RAPGEF4: variants seen among roughly 807,000 people sequenced by gnomAD.
RAPGEF4 encodes RAP guanine-nucleotide-exchange factor (GEF) 4.
A neutral mutation model predicts 147.9 loss-of-function variants in RAPGEF4; 66 were observed. The observed-to-expected ratio is 0.45, with a 90% CI of 0.37 to 0.55. The LOEUF (loss-of-function observed/expected upper bound fraction) is 0.55. RAPGEF4 is among the 20% of genes least tolerant of loss of function. The pLI, the probability that RAPGEF4 is intolerant of heterozygous loss-of-function variation, is 0.00. For synonymous variants in RAPGEF4, 419 were observed against 442.7 expected, an observed-to-expected ratio of 0.95 and a Z score of 0.67; for missense variants, 1,071 against 1,257.3, an observed-to-expected ratio of 0.85 and a Z score of 2.24.
At chr2:172,953,462 T>C (rs1313832205) in intron 6 of RAPGEF4, among the ~76,000 whole-genome samples, 1 of 151,142 alleles carries the variant, frequency 6.6e-6, no homozygotes, top group Admixed American at 6.6e-5. Context: ...TGTTATAATA[T>C]ATGTAAAACC....
chr2:172,789,038 T>C (rs1685537116), intron 1 of RAPGEF4, among the ~76,000 whole-genome samples: 1 of 152,256 alleles, frequency 6.6e-6, no homozygotes, highest in Non-Finnish European at 1.5e-5. Flanking sequence ...TCTTGTTGGC[T>C]GTCAGTCAGT....
At chr2:172,932,673 A>T (rs1241057357) in intron 6 of RAPGEF4, among the ~76,000 whole-genome samples, 1 of 152,196 alleles carries the variant, frequency 6.6e-6, no homozygotes, top group Non-Finnish European at 1.5e-5. Flanking sequence ...ACACAACAGC[A>T]TCTTAAATAG....
At chr2:172,861,202 C>T (rs1199797901) in intron 4 of RAPGEF4, among the ~76,000 whole-genome samples, 1 of 152,022 alleles carries the variant, frequency 6.6e-6, no homozygotes, top group Non-Finnish European at 1.5e-5. Flanking sequence ...TTAAATAATG[C>T]ATGGGCAAGA....
intron 4 of RAPGEF4, among the ~76,000 whole-genome samples, chr2:172,887,048 G>A (rs566830157): frequency 2.7e-4 from 41 of 152,224 alleles, no homozygotes; most frequent in African/African-American, 9.9e-4. Flanking sequence ...TTAGCTGGGT[G>A]TGGTGACACA....
chr2:172,836,717 G>C (rs756240002), intron 4 of RAPGEF4, among the ~76,000 whole-genome samples: 5 of 152,188 alleles, frequency 3.3e-5, no homozygotes, highest in Non-Finnish European at 7.3e-5. Flanking sequence ...TCCCATCCAG[G>C]TAAAGCCAGG....
rs779135200 is a variant in RAPGEF4 at position 172,795,080 on chromosome 2, G to T, written c.121G>T (p.Val41Phe). The change falls in exon 2 of 31, where the codon GTT becomes TTT. Residue 41 changes from valine (V) to phenylalanine (F), a missense_variant. Val to Phe is a conservative substitution (Grantham distance 50). Transcript: ENST00000397081. The stretch of plus-strand genomic sequence containing the variant: ...TATAATCTTCACTCGACTGAAAGAA[G>T]TTAAAGCTTTTGAGAAATTTCACCC... ...VDIIFTRLKE[V>F]KAFEKFHPNL... 3 of 1,613,782 alleles carry T rather than the reference G, an allele frequency of 1.9e-6. No individual in the cohort carries two copies. The highest frequency in any genetic ancestry group is 2.5e-6 in the Non-Finnish European group (3 of 1,179,820).
chr2:172,986,818 C>G (rs13033326), intron 12 of RAPGEF4, among the ~76,000 whole-genome samples: 30,420 of 151,874 alleles, frequency 0.2, 3,543 homozygotes, highest in Non-Finnish European at 0.27. Flanking sequence ...CTCAGCCTCC[C>G]AAGTAGTTGG....
chr2:172,736,161 G>A, intron 1 of RAPGEF4, 113 bp downstream of exon 1: 1 of 796,366 alleles, frequency 1.3e-6, no homozygotes, highest in Non-Finnish European at 1.7e-6. Flanking sequence ...GGTGGCCGGG[G>A]TCCCCGAGCG....
In RAPGEF4 at chr2:173,017,450, A is replaced by AAT; in HGVS notation, c.1956_1957dup (p.Thr653IlefsTer41). The AAT allele has an allele frequency of 1.2e-6, 2 of 1,614,170 alleles. No individual in the cohort carries two copies. The highest frequency in any genetic ancestry group is 1.7e-6 in the Non-Finnish European group (2 of 1,180,026). On this transcript the variant is annotated frameshift_variant, in exon 21 of 31. Coordinates refer to ENST00000397081, the MANE Select transcript of RAPGEF4 (RefSeq NM_007023.4). LOFTEE classifies it high-confidence loss of function. ...GCACAAGGTTCTTTTGCAACAGTTCAATACGGGCGATGAGAGAGCCCAGAA... is the reference window on the plus strand; with the variant it reads ...GCACAAGGTTCTTTTGCAACAGTTCAATATACGGGCGATGAGAGAGCCCAGAA...
At chr2:173,006,585 T>C (rs1028277117) in intron 17 of RAPGEF4, among the ~76,000 whole-genome samples, 3 of 152,208 alleles carry the variant, frequency 2.0e-5, no homozygotes, top group African/African-American at 4.8e-5. Flanking sequence ...CATCCCTGTA[T>C]AGAAGCAAAC....
chr2:172,811,306 C>G (rs559896918), intron 3 of RAPGEF4, among the ~76,000 whole-genome samples: 3 of 152,358 alleles, frequency 2.0e-5, no homozygotes, highest in Admixed American at 2.0e-4. Context: ...TCTGCTAAAC[C>G]ACCATCACAT....
chr2:172,941,910 G>A lies in RAPGEF4; in HGVS notation c.538-18850G>A, dbSNP rs563333473. 3.9e-5 allele frequency among the ~76,000 whole-genome samples: 6 copies of A among 152,144 alleles called. No homozygotes were observed. In the East Asian group the frequency reaches 5.8e-4, roughly 15 times the overall value. ...CACACAGCACAGTACCTGAAACATA[G>A]TATGCTCTCAACAAGTATTTTTTTA... On this transcript the variant is annotated intron_variant, in intron 6 of 30. Transcript: ENST00000397081.
chr2:173,022,098 T>C (rs1433588655), intron 23 of RAPGEF4, among the ~76,000 whole-genome samples: 1 of 152,126 alleles, frequency 6.6e-6, no homozygotes, highest in Non-Finnish European at 1.5e-5. Flanking sequence ...AGGAAAGCCA[T>C]AAAAAGCCAG....
chr2:172,885,633 A>G (rs1403444888), intron 4 of RAPGEF4, among the ~76,000 whole-genome samples: 1 of 152,240 alleles, frequency 6.6e-6, no homozygotes, highest in Non-Finnish European at 1.5e-5. Flanking sequence ...GTTTCCGCTT[A>G]CAAAACTATC....
intron 4 of RAPGEF4, among the ~76,000 whole-genome samples, chr2:172,843,392 A>G (rs1353477389): frequency 6.6e-6 from 1 of 152,220 alleles, no homozygotes; most frequent in Non-Finnish European, 1.5e-5. Context: ...ACACTTGGAT[A>G]ATTAGTGTTT....
chr2:172,913,466 C>T (rs563109894), intron 4 of RAPGEF4, among the ~76,000 whole-genome samples: 2 of 152,298 alleles, frequency 1.3e-5, no homozygotes, highest in East Asian at 3.9e-4. Flanking sequence ...TCTGCGAATA[C>T]TTGAATGACA....
At chr2:172,835,270 A>C (rs1199341090) in intron 4 of RAPGEF4, among the ~76,000 whole-genome samples, 2 of 152,362 alleles carry the variant, frequency 1.3e-5, no homozygotes, top group East Asian at 1.9e-4. Context: ...ACAGATATGC[A>C]GTTGCTAATT....
chr2:172,954,877 G>T (rs17759303), intron 6 of RAPGEF4, among the ~76,000 whole-genome samples: 3,932 of 152,286 alleles, frequency 0.026, 72 homozygotes, highest in South Asian at 0.055. Flanking sequence ...TCTTGTAATT[G>T]TTTAACCCGT....
At chr2:172,897,355 G>A (rs776662035) in intron 4 of RAPGEF4, among the ~76,000 whole-genome samples, 24 of 152,120 alleles carry the variant, frequency 1.6e-4, no homozygotes, top group Non-Finnish European at 2.6e-4. Flanking sequence ...TGAAATGAAG[G>A]TGATCATTCT....
Sources: allele counts gnomAD v4.1 joint callset (sites outside exome capture counted in the v4.1 genomes callset), GRCh38; gene constraint gnomAD v4.1.1; transcripts MANE v1.5; gene names NCBI Gene and HGNC (gene_info 2026-07-23, HGNC 2026-07-21).